The following SPIDR variants were observed in gnomAD, a reference collection of about 807,000 sequenced individuals.
The protein encoded by SPIDR is scaffold protein involved in DNA repair.
In SPIDR, 93 loss-of-function variants were observed where a neutral mutation model predicts 104.6. That is an observed-to-expected ratio of 0.89 (90% CI 0.75 to 1.06). The LOEUF (loss-of-function observed/expected upper bound fraction) is 1.06, where lower values mean the gene tolerates loss of function less well. Among genes scored for constraint, SPIDR ranks in the 50% least tolerant of loss-of-function variants. SPIDR has a pLI of 0.00. For missense variants in SPIDR, 1,154 were observed against 1,111.2 expected (o/e 1.04, Z -0.55); for synonymous variants, 431 against 416.9 (o/e 1.03, Z -0.41).
In SPIDR at chr8:47,440,620, T is replaced by C. The variant is rs1246663906; in HGVS notation, c.1097+78T>C. On this transcript the variant is annotated intron_variant, in intron 8 of 19. Coordinates refer to ENST00000297423, the MANE Select transcript of SPIDR (RefSeq NM_001080394.4). ...AGAAAAGACATTTTTATCAGTTACA[T>C]TTTTGTCACTTTATCATAGAGCAAT... The C allele has an allele frequency of 2.8e-6, 4 of 1,421,056 alleles. No homozygotes were observed. The Admixed American group carries it at 8.6e-5, about 31-fold the overall frequency. 88.0% of individuals were successfully genotyped at this position (1,421,056 alleles called of 1,614,324 possible).
chr8:47,561,455 T>C (rs2057063361), intron 8 of SPIDR, among the ~76,000 whole-genome samples: 1 of 152,212 alleles, frequency 6.6e-6, no homozygotes, highest in Non-Finnish European at 1.5e-5. Context: ...GCAGCCTCTC[T>C]ACACTGTGTC....
intron 8 of SPIDR, among the ~76,000 whole-genome samples, chr8:47,565,286 G>A (rs867483929): frequency 7.9e-5 from 12 of 152,234 alleles, no homozygotes; most frequent in Middle Eastern, 3.4e-3. Flanking sequence ...AGAAATTGAA[G>A]AAGGCTGACT....
intron 11 of SPIDR, among the ~76,000 whole-genome samples, chr8:47,698,678 T>C (rs1015400747): frequency 2.0e-5 from 3 of 152,250 alleles, no homozygotes; most frequent in Non-Finnish European, 2.9e-5. Flanking sequence ...TAGAACAGCA[T>C]TTGTCAGAAT....
At chr8:47,552,613 G>C (rs1263050121) in intron 8 of SPIDR, among the ~76,000 whole-genome samples, 4 of 151,862 alleles carry the variant, frequency 2.6e-5, no homozygotes, top group African/African-American at 9.7e-5. Flanking sequence ...CATTTGCTTG[G>C]TAGATCTTCC....
chr8:47,451,150 G>A lies in SPIDR; in HGVS notation c.1097+10608G>A, dbSNP rs536892580. 1.1e-4 allele frequency among the ~76,000 whole-genome samples: 16 copies of A among 152,060 alleles called. No homozygotes were observed. The East Asian group carries it at 3.1e-3, about 29-fold the overall frequency. On this transcript the variant is annotated intron_variant, in intron 8 of 19. Coordinates refer to ENST00000297423, the MANE Select transcript of SPIDR (RefSeq NM_001080394.4). ...CTTAAATATGTTCAAGGAGTTAAAG[G>A]GAACCCATAGATAAATAACTAAGGG...
chr8:47,295,769 TA>T (rs2040732433), intron 5 of SPIDR, among the ~76,000 whole-genome samples: 2 of 152,224 alleles, frequency 1.3e-5, no homozygotes, highest in Non-Finnish European at 2.9e-5. Flanking sequence ...GGAGTGCAGA[TA>T]TTTTTTTAGC....
intron 8 of SPIDR, among the ~76,000 whole-genome samples, chr8:47,486,919 A>G (rs1451486011): frequency 2.0e-5 from 3 of 152,218 alleles, no homozygotes; most frequent in African/African-American, 7.2e-5. Context: ...AAGACCATCA[A>G]TGCTAGGAAG....
intron 6 of SPIDR, among the ~76,000 whole-genome samples, chr8:47,404,302 T>C (rs1554665809): frequency 6.6e-6 from 1 of 152,232 alleles, no homozygotes; most frequent in Admixed American, 6.5e-5. Context: ...AAGGACTTTA[T>C]GTCTAAAACA....
intron 7 of SPIDR, among the ~76,000 whole-genome samples, chr8:47,410,474 C>G (rs1025115467): frequency 6.6e-6 from 1 of 152,118 alleles, no homozygotes; most frequent in Non-Finnish European, 1.5e-5. Context: ...AGCCATCATG[C>G]CCAGTCACTT....
intron 8 of SPIDR, among the ~76,000 whole-genome samples, chr8:47,561,342 C>T (rs2057048907): frequency 6.6e-6 from 1 of 152,156 alleles, no homozygotes; most frequent in Non-Finnish European, 1.5e-5. Flanking sequence ...AACATTTAAT[C>T]CCAAACCTGT....
intron 10 of SPIDR, among the ~76,000 whole-genome samples, chr8:47,644,655 T>C (rs1163356404): frequency 1.3e-5 from 2 of 152,226 alleles, no homozygotes; most frequent in East Asian, 1.9e-4. Context: ...GTGATTGATA[T>C]ATTAATGAGA....
intron 8 of SPIDR, among the ~76,000 whole-genome samples, chr8:47,497,803 T>C (rs1179774647): frequency 6.6e-6 from 1 of 152,148 alleles, no homozygotes; most frequent in Non-Finnish European, 1.5e-5. Context: ...GGGCTTGGAG[T>C]ATCTGTCTAC....
intron 8 of SPIDR, among the ~76,000 whole-genome samples, chr8:47,579,742 A>G (rs765482149): frequency 6.6e-6 from 1 of 151,910 alleles, no homozygotes; most frequent in Admixed American, 6.6e-5. Flanking sequence ...ACCCAATTTC[A>G]TGCCTTCATG....
chr8:47,698,575 T>G (rs2079678708), intron 11 of SPIDR, among the ~76,000 whole-genome samples: 1 of 152,242 alleles, frequency 6.6e-6, no homozygotes, highest in Non-Finnish European at 1.5e-5. Context: ...TAAATAAATG[T>G]ATAATATGTC....
chr8:47,262,163 A>G (rs2032591280), intron 1 of SPIDR, among the ~76,000 whole-genome samples: 1 of 152,206 alleles, frequency 6.6e-6, no homozygotes, highest in Non-Finnish European at 1.5e-5. Context: ...TCAGATCTAT[A>G]TTAGATCTTT....
intron 2 of SPIDR, among the ~76,000 whole-genome samples, chr8:47,281,230 G>A (rs2037715190): frequency 6.6e-6 from 1 of 152,136 alleles, no homozygotes; most frequent in African/African-American, 2.4e-5. Context: ...CTTTTTGCTG[G>A]GGGAGAGTCT....
At chr8:47,382,723 A>T (rs1554646147) in intron 5 of SPIDR, among the ~76,000 whole-genome samples, 1 of 151,992 alleles carries the variant, frequency 6.6e-6, no homozygotes, top group Non-Finnish European at 1.5e-5. Flanking sequence ...GAAGTTTGTT[A>T]TTTTTTTTAA....
At chr8:47,423,068 A>G (rs2065826828) in intron 7 of SPIDR, among the ~76,000 whole-genome samples, 1 of 152,058 alleles carries the variant, frequency 6.6e-6, no homozygotes, top group Non-Finnish European at 1.5e-5. Flanking sequence ...CAATTTGGGA[A>G]GCCGAAGTGG....
chr8:47,388,206 G>A (rs1272517587), intron 5 of SPIDR: 2 of 152,156 alleles, frequency 1.3e-5, no homozygotes, highest in Non-Finnish European at 2.9e-5. Context: ...ACTAGTGTGA[G>A]CCATACTTAT....
Sources: gnomAD v4.1 joint callset for allele counts (sites outside exome capture counted in the v4.1 genomes callset) on GRCh38, gnomAD v4.1.1 for gene constraint, MANE v1.5 for transcripts, NCBI Gene and HGNC (gene_info 2026-07-23, HGNC 2026-07-21) for gene names.